The following PIGP variants were observed in gnomAD, a reference collection of about 807,000 sequenced individuals.
PIGP encodes the protein phosphatidylinositol glycan anchor biosynthesis class P, also known as phosphatidylinositol N-acetylglucosaminyltransferase subunit P.
PIGP carries 12 observed loss-of-function variants against 16.9 expected under a neutral mutation model. That is an observed-to-expected ratio of 0.71 (90% confidence interval 0.46 to 1.15). PIGP has a LOEUF of 1.15. Ranked by LOEUF, PIGP falls within the 50% of genes most tolerant of loss-of-function variation. The pLI, the probability that PIGP is intolerant of heterozygous loss-of-function variation, is 0.00. For synonymous variants in PIGP, 57 were observed against 54.7 expected (o/e 1.04, Z -0.18); for missense variants, 159 against 153.5 (o/e 1.04, Z -0.19).
At chr21:37,071,265 G>A (rs2070005295) in intron 2 of PIGP, among the ~76,000 whole-genome samples, 1 of 152,238 alleles carries the variant, frequency 6.6e-6, no homozygotes, top group South Asian at 2.1e-4. Flanking sequence ...AGAGGCAGCA[G>A]AGTGAAGTCA....
chr21:37,067,152 G>A lies in PIGP; in HGVS notation c.274+110C>T, dbSNP rs180847077. 1.3e-3 allele frequency: 851 copies of A among 670,540 alleles called. 18 individuals are homozygous for A. In the Admixed American group the frequency reaches 0.018, roughly 14 times the overall value. The allele number at this position is 670,540 out of a possible 1,614,324, so 41.5% of individuals were successfully genotyped here. A position where few individuals can be genotyped will look rare whatever the true frequency, so the allele number is the denominator to read the frequency against. ...CTCCCAAGTAGCTGGGATTACAGAC[G>A]CGCACCACCAACATGGGTTTTGCAG... On this transcript the variant is annotated intron_variant, in intron 4 of 4. Coordinates refer to ENST00000360525, the MANE Select transcript of PIGP (RefSeq NM_153682.3).
chr21:37,071,717 C>T (rs1236658207), intron 2 of PIGP, among the ~76,000 whole-genome samples: 1 of 152,194 alleles, frequency 6.6e-6, no homozygotes, highest in Non-Finnish European at 1.5e-5. Flanking sequence ...AATTTTCTCC[C>T]TTTTGTGTGC....
intron 4 of PIGP, among the ~76,000 whole-genome samples, chr21:37,066,041 C>T (rs2069897357): frequency 6.6e-6 from 1 of 151,566 alleles, no homozygotes; most frequent in African/African-American, 2.4e-5. Flanking sequence ...CGAGATTGCG[C>T]CATTGCACTC....
intron 3 of PIGP, chr21:37,069,326 A>T: frequency 3.4e-6 from 1 of 297,032 alleles, no homozygotes; most frequent in Middle Eastern, 1.1e-3. Context: ...GGGTCATTTT[A>T]ACAAGATTTT....
At chr21:37,066,970 C>G (rs1411176918) in intron 4 of PIGP, among the ~76,000 whole-genome samples, 1 of 103,604 alleles carries the variant, frequency 9.7e-6, no homozygotes, top group South Asian at 3.6e-4. Flanking sequence ...TTTTTACTGT[C>G]CGTGTGTGTG....
intron 3 of PIGP, among the ~76,000 whole-genome samples, chr21:37,067,737 T>G (rs1005421340): frequency 2.0e-5 from 3 of 152,212 alleles, no homozygotes; most frequent in African/African-American, 7.2e-5. Flanking sequence ...CCTCCTCCTA[T>G]CCTCTTCTAT....
chr21:37,066,971 CGTGTGTGTGTGTGTGT>C (rs56940945), intron 4 of PIGP, among the ~76,000 whole-genome samples: 3,452 of 143,842 alleles, frequency 0.024, 65 homozygotes, highest in Admixed American at 0.051. Flanking sequence ...TTTTACTGTC[CGTGTGTGTGTGTGTGT>C]GTGTGTGTGT....
rs538387670 is a variant in PIGP, at chr21:37,066,019, C to A, written c.275-307G>T. 6.6e-5 allele frequency among the ~76,000 whole-genome samples: 10 copies of A among 151,938 alleles called. No individual in the cohort carries two copies. In the South Asian group the frequency reaches 1.9e-3, roughly 28 times the overall value. ...AACAGCGTGAACCCAGGGGGCGGAG[C>A]CTGCAGTGAGCCGAGATTGCGCCAT... On this transcript the variant is annotated intron_variant, in intron 4 of 4. Coordinates refer to ENST00000360525, the MANE Select transcript of PIGP (RefSeq NM_153682.3).
Position 37,065,660 on chromosome 21 carries a change from T to G in PIGP, c.327A>C (p.Pro109=), listed in dbSNP as rs73901831. Residue 109 remains proline, a synonymous_variant, in exon 5 of 5, where the codon CCA becomes CCC. Transcript: ENST00000360525. ...QQKKYQEEAI[P]ALRDISISEV... is the part of the protein sequence containing the mutation. ...CACTAATAGAAATATCTCTTAAGGC[T>G]GGAATGGCCTCCTCTTGGTATTTCT... 2,024 of 1,613,354 alleles carry G rather than the reference T, an allele frequency of 1.3e-3. 21 individuals carry two copies. The African/African-American group carries it at 0.023, about 19-fold the overall frequency.
intron 3 of PIGP, 134 bp downstream of exon 3, chr21:37,069,418 G>A (rs761931572): frequency 5.9e-6 from 3 of 508,840 alleles, no homozygotes; most frequent in Non-Finnish European, 1.1e-5. Flanking sequence ...TCTTTAAAAA[G>A]CTTTCAATTT....
Position 37,070,611 on chromosome 21 carries a change from T to C in PIGP, c.83-987A>G, listed in dbSNP as rs148882374. Among the ~76,000 whole-genome samples the C allele has an allele frequency of 2.6e-5, 4 of 152,340 alleles. No homozygotes were observed. The East Asian group carries it at 7.7e-4, about 29-fold the overall frequency. On this transcript the variant is annotated intron_variant, in intron 2 of 4. Coordinates refer to ENST00000360525, the MANE Select transcript of PIGP (RefSeq NM_153682.3). ...CCTGATACTATATACGTTTTTCTTA[T>C]TTAACTTGCCCATTGACTATCTCCC...
At chr21:37,071,813 C>A (rs1417894531) in intron 2 of PIGP, among the ~76,000 whole-genome samples, 1 of 152,142 alleles carries the variant, frequency 6.6e-6, no homozygotes, top group Non-Finnish European at 1.5e-5. Flanking sequence ...CATCAGTCTC[C>A]TTATCTGTAA....
intron 2 of PIGP, among the ~76,000 whole-genome samples, chr21:37,070,527 C>T (rs933822250): frequency 8.5e-5 from 13 of 152,282 alleles, no homozygotes; most frequent in African/African-American, 3.1e-4. Context: ...TTAGAAGGCC[C>T]TCCTTCCACT....
At chr21:37,072,401 A>G (rs1389310994) in intron 2 of PIGP, 33 bp downstream of exon 2, 1 of 1,613,038 alleles carries the variant, frequency 6.2e-7, no homozygotes, top group Non-Finnish European at 8.5e-7. Flanking sequence ...ACGCCAGAAA[A>G]AGCCCCTGGC....
At chr21:37,071,632 A>G (rs2070042526) in intron 2 of PIGP, among the ~76,000 whole-genome samples, 2 of 152,186 alleles carry the variant, frequency 1.3e-5, no homozygotes, top group South Asian at 4.1e-4. Context: ...TATTTTAGTT[A>G]GGGTTCAGAA....
intron 3 of PIGP, among the ~76,000 whole-genome samples, chr21:37,067,894 G>A (rs1443773137): frequency 6.7e-6 from 1 of 149,650 alleles, no homozygotes; most frequent in Non-Finnish European, 1.5e-5. Flanking sequence ...ACATCTTTTT[G>A]TCTGTTCACT....
At position 37,067,277 on chromosome 21, in the gene PIGP, T is replaced by C. The variant is rs1431422835; in HGVS notation, c.259A>G (p.Ile87Val). 1 of 1,580,820 alleles carries C rather than the reference T, an allele frequency of 6.3e-7. No individual in the cohort carries two copies. Among genetic ancestry groups the C allele is most frequent in the Non-Finnish European group, 8.7e-7 (1 of 1,149,716 alleles). The change falls in exon 4 of 5, where the codon ATC (isoleucine) becomes GTC (valine). Residue 87 changes from isoleucine (I) to valine (V), a missense_variant. Physicochemically the swap from Ile to Val is conservative, Grantham distance 29. Coordinates refer to ENST00000360525, the MANE Select transcript of PIGP (RefSeq NM_153682.3). ...ATAAAGTTACCTGTGATTGTATGGA[T>C]GGAGTCGAGTGGAGAGGTACTCATC... is the stretch of plus-strand genomic sequence containing the variant. The part of the protein sequence containing the change: ...NMMSTSPLDS[I>V]HTITDNYAKN...
At position 37,072,530 on chromosome 21, in the gene PIGP, T is replaced by C; in HGVS notation, c.-15A>G. Reference sequence around the variant, plus strand: ...TTTTCCACCATTTTTCCTGGGGCTTTAGACAATCTGTGGAAAAGGAACACA... The same window carrying C: ...TTTTCCACCATTTTTCCTGGGGCTTCAGACAATCTGTGGAAAAGGAACACA... On this transcript the variant is annotated 5_prime_UTR_variant, in exon 2 of 5. Transcript: ENST00000360525. 1 of 1,614,252 alleles carries C rather than the reference T, an allele frequency of 6.2e-7. No individual in the cohort carries two copies. Among genetic ancestry groups the C allele is most frequent in the South Asian group, 1.1e-5 (1 of 91,088 alleles).
intron 2 of PIGP, chr21:37,072,057 A>C: frequency 1.3e-6 from 1 of 784,436 alleles, no homozygotes; most frequent in Non-Finnish European, 2.4e-6. Context: ...AGGCCTCTGT[A>C]GAAAGCCTTG....
Sources: allele counts gnomAD v4.1 joint callset (sites outside exome capture counted in the v4.1 genomes callset), GRCh38; gene constraint gnomAD v4.1.1; transcripts MANE v1.5; gene names NCBI Gene and HGNC (gene_info 2026-07-23, HGNC 2026-07-21).